CADM2: variants seen among roughly 807,000 people sequenced by gnomAD.
CADM2 encodes the protein immunoglobulin superfamily member 4D.
CADM2 carries 12 observed loss-of-function variants against 49.8 expected under a neutral mutation model. The ratio of observed to expected loss-of-function variants is 0.24; its 90% CI spans 0.15 to 0.39. The LOEUF (loss-of-function observed/expected upper bound fraction) is 0.39. CADM2 is among the 10% of genes least tolerant of loss of function. The pLI is 1.00. For missense variants in CADM2, 378 were observed against 492.3 expected (o/e 0.77, Z 2.20); for synonymous variants, 214 against 175.4 (o/e 1.22, Z -1.74).
At chr3:85,942,403 A>G (rs1472415495) in intron 7 of CADM2, among the ~76,000 whole-genome samples, 2 of 151,870 alleles carry the variant, frequency 1.3e-5, no homozygotes, top group African/African-American at 4.8e-5. Flanking sequence ...TTACATATAT[A>G]TAAATGTGCC....
At chr3:85,175,151 T>C (rs1055266752) in intron 1 of CADM2, among the ~76,000 whole-genome samples, 21 of 152,056 alleles carry the variant, frequency 1.4e-4, no homozygotes, top group African/African-American at 4.1e-4. Flanking sequence ...AAATAACAAG[T>C]GTATGTAAGG....
intron 2 of CADM2, among the ~76,000 whole-genome samples, chr3:85,776,203 T>C (rs916441858): frequency 1.3e-5 from 2 of 151,900 alleles, no homozygotes; most frequent in Admixed American, 1.3e-4. Context: ...TCTAGGCTTA[T>C]TATAGTCTTC....
intron 1 of CADM2, among the ~76,000 whole-genome samples, chr3:85,623,525 G>A (rs766966347): frequency 3.9e-5 from 6 of 152,122 alleles, no homozygotes; most frequent in Non-Finnish European, 7.4e-5. Context: ...GGCAAACAAC[G>A]TAAGTGTGAG....
intron 1 of CADM2, among the ~76,000 whole-genome samples, chr3:85,650,625 A>G (rs1378668313): frequency 1.3e-5 from 2 of 151,916 alleles, no homozygotes; most frequent in African/African-American, 2.4e-5. Context: ...TGTTAGAAAA[A>G]CAAATTATTT....
At chr3:85,155,826 G>A (rs1481595129) in intron 1 of CADM2, among the ~76,000 whole-genome samples, 3 of 152,096 alleles carry the variant, frequency 2.0e-5, no homozygotes, top group African/African-American at 7.2e-5. Flanking sequence ...TGAACAACCT[G>A]CTCCTGAATG....
At chr3:85,487,368 G>T (rs747674250) in intron 1 of CADM2, among the ~76,000 whole-genome samples, 14 of 152,006 alleles carry the variant, frequency 9.2e-5, no homozygotes, top group South Asian at 2.1e-4. Flanking sequence ...AAATTTAAAA[G>T]TAAATAAATA....
At chr3:85,408,372 T>C (rs2035498408) in intron 1 of CADM2, among the ~76,000 whole-genome samples, 3 of 152,188 alleles carry the variant, frequency 2.0e-5, no homozygotes, top group Non-Finnish European at 4.4e-5. Flanking sequence ...TAGGTAATAA[T>C]TGACGATGAC....
intron 1 of CADM2, among the ~76,000 whole-genome samples, chr3:85,499,736 C>T (rs1016056301): frequency 5.9e-5 from 9 of 151,826 alleles, no homozygotes; most frequent in East Asian, 1.9e-4. Flanking sequence ...GTTATGGTAG[C>T]GGGGACATTA....
chr3:85,896,992 G>A (rs964853582), intron 5 of CADM2, among the ~76,000 whole-genome samples: 12 of 151,984 alleles, frequency 7.9e-5, no homozygotes, highest in Admixed American at 2.6e-4. Flanking sequence ...TCATGTATCT[G>A]TAATGTTCCT....
chr3:84,961,635 T>TGTGC (rs2030529692), intron 1 of CADM2, among the ~76,000 whole-genome samples: 1 of 152,076 alleles, frequency 6.6e-6, no homozygotes. Context: ...TGTGTGTGTG[T>TGTGC]GTGCGCGCGC....
chr3:85,136,304 T>C (rs530741234), intron 1 of CADM2, among the ~76,000 whole-genome samples: 4 of 151,666 alleles, frequency 2.6e-5, no homozygotes, highest in South Asian at 4.2e-4. Context: ...ATTTATTTCC[T>C]GATAATCTAG....
At chr3:85,444,190 G>A (rs1349687121) in intron 1 of CADM2, among the ~76,000 whole-genome samples, 3 of 151,890 alleles carry the variant, frequency 2.0e-5, no homozygotes, top group Non-Finnish European at 4.4e-5. Flanking sequence ...TGTCTTTTCC[G>A]AAAAAGCTGC....
At chr3:85,526,439 T>C (rs985654765) in intron 1 of CADM2, among the ~76,000 whole-genome samples, 2 of 152,088 alleles carry the variant, frequency 1.3e-5, no homozygotes, top group Non-Finnish European at 2.9e-5. Flanking sequence ...CTCCTTATAC[T>C]AGGAATTATG....
intron 3 of CADM2, among the ~76,000 whole-genome samples, chr3:85,856,740 T>C (rs780704723): frequency 2.6e-5 from 4 of 152,172 alleles, no homozygotes; most frequent in Non-Finnish European, 5.9e-5. Context: ...AAATACAAAA[T>C]GAAGAATTAT....
chr3:85,199,763 A>G (rs1348380055), intron 1 of CADM2, among the ~76,000 whole-genome samples: 1 of 152,036 alleles, frequency 6.6e-6, no homozygotes, highest in Non-Finnish European at 1.5e-5. Context: ...TAAGTGGGGA[A>G]AACAAACCTG....
Position 85,944,132 on chromosome 3 carries a change from A to G in CADM2, c.791+8275A>G, listed in dbSNP as rs1284293924. ...GGCAGGGTTGCAATCTTAGTCTCTG[A>G]TAAAACAGACTTTAAACCAACAAAG... On this transcript the variant is annotated intron_variant, in intron 7 of 9. Transcript: ENST00000383699. 2.0e-5 allele frequency among the ~76,000 whole-genome samples: 3 copies of G among 152,110 alleles called. No individual in the cohort carries two copies. In the East Asian group the frequency reaches 5.8e-4, roughly 29 times the overall value.
chr3:85,613,888 A>G (rs886984898), intron 1 of CADM2, among the ~76,000 whole-genome samples: 2 of 151,714 alleles, frequency 1.3e-5, no homozygotes, highest in Non-Finnish European at 3.0e-5. Flanking sequence ...GACAAGTTTT[A>G]TAAATTCACT....
At chr3:85,672,191 C>CTTTTTT (rs5850710) in intron 1 of CADM2, among the ~76,000 whole-genome samples, 4 of 124,324 alleles carry the variant, frequency 3.2e-5, no homozygotes, top group Admixed American at 8.5e-5. Context: ...TCTAGGATGT[C>CTTTTTT]TTTTTTTTTT....
intron 1 of CADM2, among the ~76,000 whole-genome samples, chr3:85,693,281 G>A (rs1374842837): frequency 6.6e-6 from 1 of 150,436 alleles, no homozygotes; most frequent in South Asian, 2.1e-4. Flanking sequence ...AGGAAGGAAT[G>A]AAGAAAGAAA....
Sources: allele counts gnomAD v4.1 joint callset (sites outside exome capture counted in the v4.1 genomes callset), GRCh38; gene constraint gnomAD v4.1.1; transcripts MANE v1.5; gene names NCBI Gene and HGNC (gene_info 2026-07-23, HGNC 2026-07-21).